FLT1: variants seen among roughly 807,000 people sequenced by gnomAD.
The protein encoded by FLT1 is vascular endothelial growth factor receptor 1.
A neutral mutation model predicts 156.3 loss-of-function variants in FLT1; 49 were observed. That is an observed-to-expected ratio of 0.31 (90% CI 0.25 to 0.40). The LOEUF (loss-of-function observed/expected upper bound fraction) is 0.40, where lower values mean the gene tolerates loss of function less well. Ranked by LOEUF, FLT1 falls within the 10% of genes least tolerant of loss-of-function variation. FLT1 has a pLI of 1.00. For missense variants in FLT1, 1,322 were observed against 1,637.2 expected (o/e 0.81, Z 3.32); for synonymous variants, 594 against 583.8 (o/e 1.02, Z -0.25).
chr13:28,453,768 A>G (rs1879112882), intron 3 of FLT1, among the ~76,000 whole-genome samples: 1 of 152,214 alleles, frequency 6.6e-6, no homozygotes, highest in African/African-American at 2.4e-5. Context: ...AGACTAATAT[A>G]CTTAAAAATC....
chr13:28,473,975 C>A (rs1176537026), intron 1 of FLT1, among the ~76,000 whole-genome samples: 1 of 152,082 alleles, frequency 6.6e-6, no homozygotes, highest in Non-Finnish European at 1.5e-5. Context: ...CATAGATGAT[C>A]TTGAAAACAT....
intron 10 of FLT1, among the ~76,000 whole-genome samples, chr13:28,418,934 C>A (rs1876822529): frequency 2.6e-5 from 4 of 152,056 alleles, no homozygotes; most frequent in Non-Finnish European, 5.9e-5. Flanking sequence ...TTCAGTTTTA[C>A]TTATGGGAAA....
chr13:28,349,558 G>C (rs1872677437), intron 15 of FLT1, among the ~76,000 whole-genome samples: 1 of 152,180 alleles, frequency 6.6e-6, no homozygotes, highest in Non-Finnish European at 1.5e-5. Flanking sequence ...TCAGGACACA[G>C]TGGCCTTTGG....
rs1037616024 is a variant in FLT1 at position 28,431,221 on chromosome 13, C to T, written c.903G>A (p.Met301Ile). The T allele has an allele frequency of 1.6e-5, 26 of 1,613,310 alleles. No homozygotes were observed. Among genetic ancestry groups the T allele is most frequent in the Non-Finnish European group, 2.1e-5 (25 of 1,179,376 alleles). The change falls in exon 7 of 30, where the codon ATG (methionine) becomes ATA (isoleucine). Residue 301 changes from methionine to isoleucine, a missense_variant. Met to Ile is a conservative substitution (Grantham distance 10, BLOSUM62 1). Coordinates refer to ENST00000282397, the MANE Select transcript of FLT1 (RefSeq NM_002019.4). ...TATAAAGTCCTTTGTCTTTGTTCTG[C>T]ATTTTGTCAATAGTAAGAACACTGT... ...IFYSVLTIDK[M>I]QNKDKGLYTC...
chr13:28,345,775 C>CTG, intron 15 of FLT1: 1 of 461,986 alleles, frequency 2.2e-6, no homozygotes, highest in Admixed American at 3.5e-5. Flanking sequence ...ACATAATGAA[C>CTG]TCACATAGAA....
At chr13:28,456,563 G>A (rs962356175) in intron 3 of FLT1, among the ~76,000 whole-genome samples, 4 of 151,974 alleles carry the variant, frequency 2.6e-5, no homozygotes, top group East Asian at 1.9e-4. Context: ...TTTAGGAGGC[G>A]GAGGTGGGTG....
chr13:28,349,164 G>A (rs1231737556), intron 15 of FLT1, among the ~76,000 whole-genome samples: 1 of 152,188 alleles, frequency 6.6e-6, no homozygotes, highest in Non-Finnish European at 1.5e-5. Context: ...CCAGGGTTCA[G>A]AATAGTGCCT....
At chr13:28,452,019 A>G (rs1878969268) in intron 3 of FLT1, among the ~76,000 whole-genome samples, 1 of 152,170 alleles carries the variant, frequency 6.6e-6, no homozygotes, top group Admixed American at 6.5e-5. Context: ...TTTTAAAGAT[A>G]AGTAGGAAAT....
Position 28,494,090 on chromosome 13 carries a change from G to C in FLT1, c.64+690C>G, listed in dbSNP as rs188923322. Among the ~76,000 whole-genome samples, 1,193 of 152,318 alleles carry C rather than the reference G, an allele frequency of 7.8e-3. 10 individuals carry two copies. Among genetic ancestry groups the C allele is most frequent in the Middle Eastern group, 0.027 (8 of 294 alleles). On this transcript the variant is annotated intron_variant, in intron 1 of 29. Transcript: ENST00000282397. Reference sequence around the variant, plus strand: ...CGGGTGGCTGAGCGCAGCGCACTGGGGCCCCGCGGTCCGAGAGCGGCGGGG... The same window carrying C: ...CGGGTGGCTGAGCGCAGCGCACTGGCGCCCCGCGGTCCGAGAGCGGCGGGG...
intron 15 of FLT1, among the ~76,000 whole-genome samples, chr13:28,352,935 A>G (rs886643050): frequency 6.6e-6 from 1 of 152,234 alleles, no homozygotes; most frequent in Non-Finnish European, 1.5e-5. Flanking sequence ...GCCAAGGGCA[A>G]TAGAAAGCAG....
chr13:28,412,385 T>TTCC (rs1876326892), intron 10 of FLT1, among the ~76,000 whole-genome samples: 1 of 84,940 alleles, frequency 1.2e-5, no homozygotes, highest in African/African-American at 3.7e-5. Context: ...TCTTTCTTTC[T>TTCC]TTCTTTCTTT....
chr13:28,494,895 C>T lies in FLT1; in HGVS notation c.-52G>A, dbSNP rs56051053. ...CGGTGCCCGCGCTCCCCGCGGCCAA[C>T]GACCCGGCCGCCAGAGTCCGTCCTC... On this transcript the variant is annotated 5_prime_UTR_variant, in exon 1 of 30. Coordinates refer to ENST00000282397, the MANE Select transcript of FLT1 (RefSeq NM_002019.4). 1.4e-6 allele frequency: 2 copies of T among 1,436,498 alleles called. No homozygotes were observed. Among genetic ancestry groups the T allele is most frequent in the South Asian group, 1.3e-5 (1 of 78,920 alleles). 89.0% of individuals were successfully genotyped at this position (1,436,498 alleles called of 1,614,324 possible).
At chr13:28,479,884 G>A (rs768566340) in intron 1 of FLT1, among the ~76,000 whole-genome samples, 2 of 152,128 alleles carry the variant, frequency 1.3e-5, no homozygotes, top group African/African-American at 2.4e-5. Context: ...AACAATTTCT[G>A]TTATCAGTTG....
chr13:28,477,991 T>C (rs1880645474), intron 1 of FLT1, among the ~76,000 whole-genome samples: 1 of 152,216 alleles, frequency 6.6e-6, no homozygotes, highest in African/African-American at 2.4e-5. Flanking sequence ...TGAAAGTAAC[T>C]GAGTTTTTAA....
chr13:28,472,939 A>C (rs891764973), intron 1 of FLT1, among the ~76,000 whole-genome samples: 1 of 152,250 alleles, frequency 6.6e-6, no homozygotes, highest in Non-Finnish European at 1.5e-5. Context: ...AGATCAACCA[A>C]GGCTCTGAAT....
At chr13:28,385,849 A>G (rs142303063) in intron 13 of FLT1, 138 of 1,050,394 alleles carry the variant, frequency 1.3e-4, no homozygotes, top group East Asian at 4.3e-4. Flanking sequence ...AAGGCCCCCA[A>G]TGAGTACAGT....
chr13:28,339,139 T>A (rs2138851295), intron 17 of FLT1, 29 bp downstream of exon 17: 3 of 1,608,304 alleles, frequency 1.9e-6, no homozygotes, highest in Non-Finnish European at 2.6e-6. Flanking sequence ...TCAGTATAGG[T>A]TTATGAATCT....
In FLT1 at chr13:28,323,651, C is replaced by CAA. The variant is rs111841154; in HGVS notation, c.2797-707_2797-706dup. Among the ~76,000 whole-genome samples, 1,187 of 125,228 alleles carry CAA rather than the reference C, an allele frequency of 9.5e-3. 29 individuals carry two copies. Among genetic ancestry groups the CAA allele is most frequent in the Admixed American group, 0.036 (434 of 12,158 alleles). 82.2% of individuals were successfully genotyped at this position (125,228 alleles called of 152,430 possible). A position where few individuals can be genotyped will look rare whatever the true frequency, so the allele number is the denominator to read the frequency against. On this transcript the variant is annotated intron_variant, in intron 20 of 29. Transcript: ENST00000282397. ...GGCCAACGAGAGCAAAACTCCATCT[C>CAA]AAAAAAAAAAAAAAAAGCAAAGCTT... is the stretch of plus-strand genomic sequence containing the variant.
chr13:28,396,911 A>G, intron 12 of FLT1, 49 bp downstream of exon 12: 1 of 1,061,656 alleles, frequency 9.4e-7, no homozygotes, highest in Non-Finnish European at 1.5e-6. Context: ...AAGACTGAAG[A>G]GAGAATGAAG....
Sources: gnomAD v4.1 joint callset for allele counts (sites outside exome capture counted in the v4.1 genomes callset) on GRCh38, gnomAD v4.1.1 for gene constraint, MANE v1.5 for transcripts, NCBI Gene and HGNC (gene_info 2026-07-23, HGNC 2026-07-21) for gene names.